The following TAFA2 variants were observed in gnomAD, a reference collection of about 807,000 sequenced individuals.
TAFA2 encodes the protein chemokine-like protein TAFA-2.
Under a neutral mutation model 18.8 loss-of-function variants are expected in TAFA2, and 7 were observed. That is an observed-to-expected ratio of 0.37 (90% CI 0.21 to 0.70). The LOEUF (loss-of-function observed/expected upper bound fraction) is 0.70. TAFA2 is among the 30% of genes least tolerant of loss of function. The probability of loss-of-function intolerance (pLI) is 0.53; values close to 1 mark genes in which losing one functional copy is unlikely to be tolerated. For synonymous variants in TAFA2, 60 were observed against 54.2 expected, an observed-to-expected ratio of 1.11 and a Z score of -0.47; for missense variants, 122 against 158.1, an observed-to-expected ratio of 0.77 and a Z score of 1.23.
At chr12:62,178,427 A>G (rs1294248054) in intron 1 of TAFA2, among the ~76,000 whole-genome samples, 1 of 152,210 alleles carries the variant, frequency 6.6e-6, no homozygotes, top group Admixed American at 6.5e-5. Context: ...AAACTAGGAA[A>G]CAAAGGTTTA....
intron 1 of TAFA2, among the ~76,000 whole-genome samples, chr12:62,008,383 T>C (rs540518483): frequency 1.1e-4 from 17 of 152,280 alleles, no homozygotes; most frequent in Admixed American, 2.6e-4. Context: ...TTTCTATACT[T>C]TTTAAAATTA....
intron 1 of TAFA2, among the ~76,000 whole-genome samples, chr12:62,156,095 T>TAAGA (rs928559562): frequency 2.0e-5 from 3 of 151,706 alleles, no homozygotes; most frequent in Non-Finnish European, 4.4e-5. Context: ...AACAAATCAG[T>TAAGA]AAGAAAGAAA....
intron 1 of TAFA2, among the ~76,000 whole-genome samples, chr12:62,163,018 G>T: frequency 6.6e-6 from 1 of 151,932 alleles, no homozygotes; most frequent in Non-Finnish European, 1.5e-5. Flanking sequence ...GAAAAATAAA[G>T]GATTTTTGTA....
intron 1 of TAFA2, among the ~76,000 whole-genome samples, chr12:62,100,922 A>G (rs75061482): frequency 0.054 from 8,218 of 152,276 alleles, 335 homozygotes; most frequent in Non-Finnish European, 0.083. Context: ...AGTTTAAGTG[A>G]TATAGGTATG....
chr12:61,789,803 A>G (rs1380067570), intron 2 of TAFA2, among the ~76,000 whole-genome samples: 1 of 151,910 alleles, frequency 6.6e-6, no homozygotes, highest in Non-Finnish European at 1.5e-5. Context: ...AGGAAGTAAT[A>G]CCAACTCATC....
chr12:61,834,896 A>G (rs1872857624), intron 2 of TAFA2, among the ~76,000 whole-genome samples: 2 of 152,036 alleles, frequency 1.3e-5, no homozygotes, highest in African/African-American at 4.8e-5. Flanking sequence ...CTTAAATTAT[A>G]TAATTTATAT....
intron 1 of TAFA2, among the ~76,000 whole-genome samples, chr12:61,953,027 A>C (rs1339766390): frequency 1.3e-5 from 2 of 152,118 alleles, no homozygotes; most frequent in Non-Finnish European, 2.9e-5. Flanking sequence ...AAAGCCAGAA[A>C]ACATTATCCA....
intron 2 of TAFA2, among the ~76,000 whole-genome samples, chr12:61,762,631 T>TATATATATA: frequency 2.2e-5 from 1 of 44,680 alleles, no homozygotes. Context: ...TAATTTCATT[T>TATATATATA]TTTATATATA....
intron 1 of TAFA2, among the ~76,000 whole-genome samples, chr12:61,893,948 T>C (rs554695022): frequency 2.0e-4 from 30 of 152,328 alleles, no homozygotes; most frequent in African/African-American, 5.1e-4. Context: ...AGTTTCCCTA[T>C]ATGAACCCAA....
intron 1 of TAFA2, among the ~76,000 whole-genome samples, chr12:61,877,924 T>TACACACACAC (rs57233464): frequency 5.4e-5 from 8 of 147,060 alleles, no homozygotes; most frequent in African/African-American, 7.6e-5. Context: ...TATATATATA[T>TACACACACAC]ACACACACAC....
intron 2 of TAFA2, among the ~76,000 whole-genome samples, chr12:61,793,177 C>T (rs1871053429): frequency 6.6e-6 from 1 of 151,380 alleles, no homozygotes; most frequent in Non-Finnish European, 1.5e-5. Flanking sequence ...AAAACAATGA[C>T]CTCAGCTTTC....
chr12:61,917,359 TTAA>T lies in TAFA2; in HGVS notation c.-1-49936_-1-49934del, dbSNP rs1213129539. 5.3e-5 allele frequency among the ~76,000 whole-genome samples: 8 copies of T among 152,340 alleles called. No homozygotes were observed. The East Asian group carries it at 1.5e-3, about 29-fold the overall frequency. ...TCAGAAATTAAATATTTAGTTCCCT[TTAA>T]TAATAAGTTCACAGTTATATCCAGC... On this transcript the variant is annotated intron_variant, in intron 1 of 4. Transcript: ENST00000416284.
intron 1 of TAFA2, among the ~76,000 whole-genome samples, chr12:62,119,396 A>G (rs563722223): frequency 6.6e-6 from 1 of 152,294 alleles, no homozygotes; most frequent in Non-Finnish European, 1.5e-5. Context: ...AGCATCCCCA[A>G]TCGTCTCAAC....
chr12:61,857,031 G>T (rs1194420632), intron 2 of TAFA2, among the ~76,000 whole-genome samples: 2 of 151,762 alleles, frequency 1.3e-5, no homozygotes, highest in South Asian at 4.2e-4. Flanking sequence ...AGAATTACAG[G>T]TATTTTAAAG....
chr12:62,028,223 G>A (rs1010725396), intron 1 of TAFA2, among the ~76,000 whole-genome samples: 2 of 152,086 alleles, frequency 1.3e-5, no homozygotes, highest in African/African-American at 4.8e-5. Context: ...TGTTTTCTAT[G>A]GATTTAGCCT....
At chr12:61,896,194 T>C (rs1352628188) in intron 1 of TAFA2, among the ~76,000 whole-genome samples, 1 of 152,196 alleles carries the variant, frequency 6.6e-6, no homozygotes, top group Non-Finnish European at 1.5e-5. Context: ...TTCATTTCTT[T>C]ATTTTATTTA....
chr12:62,119,051 A>C (rs1208882502), intron 1 of TAFA2, among the ~76,000 whole-genome samples: 2 of 152,142 alleles, frequency 1.3e-5, no homozygotes, highest in Non-Finnish European at 2.9e-5. Context: ...TTATCTACTA[A>C]GTGTTTAAAG....
intron 4 of TAFA2, among the ~76,000 whole-genome samples, chr12:61,746,900 C>T (rs1025107890): frequency 1.3e-5 from 2 of 152,014 alleles, no homozygotes; most frequent in African/African-American, 2.4e-5. Context: ...TTCTGCACAG[C>T]AAAAGAAACT....
In TAFA2 at chr12:62,071,451, G is replaced by A. The variant is rs1206713711; in HGVS notation, c.-2+119808C>T. 3.9e-5 allele frequency among the ~76,000 whole-genome samples: 6 copies of A among 152,114 alleles called. No individual in the cohort carries two copies. The South Asian group carries it at 1.2e-3, about 32-fold the overall frequency. The stretch of plus-strand genomic sequence containing the variant: ...AAGCTTTGAGGGAGTTCAAGCAGGA[G>A]AGCAACATGGTCTCATTCGCACTTT... On this transcript the variant is annotated intron_variant, in intron 1 of 4. Transcript: ENST00000416284.
Sources: gnomAD v4.1 joint callset for allele counts (sites outside exome capture counted in the v4.1 genomes callset) on GRCh38, gnomAD v4.1.1 for gene constraint, MANE v1.5 for transcripts, NCBI Gene and HGNC (gene_info 2026-07-23, HGNC 2026-07-21) for gene names.